Variants in RYR2 observed in about 807,000 individuals in gnomAD.
The protein encoded by RYR2 is cardiac muscle ryanodine receptor-calcium release channel.
In RYR2, 227 loss-of-function variants were observed where a neutral mutation model predicts 601.1. The observed-to-expected ratio is 0.38, with a 90% CI of 0.34 to 0.42. The LOEUF (loss-of-function observed/expected upper bound fraction) is 0.42. Among genes scored for constraint, RYR2 ranks in the 10% least tolerant of loss-of-function variants. The probability of loss-of-function intolerance (pLI) is 1.00; values close to 1 mark genes in which losing one functional copy is unlikely to be tolerated. For synonymous variants in RYR2, 2,223 were observed against 2,175.1 expected (o/e 1.02, Z -0.61); for missense variants, 4,646 against 6,156.5 (o/e 0.75, Z 8.21).
At chr1:237,509,928 T>C (rs2618669) in intron 23 of RYR2, among the ~76,000 whole-genome samples, 106,291 of 152,104 alleles carry the variant, frequency 0.7, 37,453 homozygotes, top group African/African-American at 0.8. Flanking sequence ...CTTTCAGTAG[T>C]GCAGTGTTGC....
At chr1:237,663,137 C>T (rs1441341229) in intron 56 of RYR2, among the ~76,000 whole-genome samples, 1 of 152,142 alleles carries the variant, frequency 6.6e-6, no homozygotes, top group Non-Finnish European at 1.5e-5. Flanking sequence ...TTATAACTTG[C>T]CATTATTTTC....
intron 24 of RYR2, among the ~76,000 whole-genome samples, chr1:237,521,725 G>GAA (rs11399117): frequency 2.1e-5 from 3 of 142,556 alleles, no homozygotes; most frequent in Non-Finnish European, 3.1e-5. Context: ...ATCTCAAAAA[G>GAA]AAAAAAAAAA....
intron 77 of RYR2, among the ~76,000 whole-genome samples, chr1:237,731,755 G>A (rs192243361): frequency 6.6e-6 from 1 of 151,968 alleles, no homozygotes; most frequent in East Asian, 1.9e-4. Context: ...CAGATATCTA[G>A]CATATTATAT....
At position 237,674,765 on chromosome 1, in the gene RYR2, A is replaced by T; in HGVS notation, c.8749A>T (p.Ile2917Phe). 6.2e-7 allele frequency: 1 copy of T among 1,612,370 alleles called. No homozygotes were observed. The highest frequency in any genetic ancestry group is 8.5e-7 in the Non-Finnish European group (1 of 1,178,702). ...FKDLELDTPS[I>F]EKRFAYSFLQ... is the part of the protein sequence containing the mutation. ...GGACCTGGAACTGGACACGCCTTCT[A>T]TTGAGAAACGATTTGCCTATAGTTT... Residue 2917 changes from isoleucine to phenylalanine, a missense_variant, in exon 60 of 105, where the codon ATT becomes TTT. Ile to Phe is a conservative substitution (Grantham distance 21, BLOSUM62 0). Transcript: ENST00000366574.
Position 237,677,812 on chromosome 1 carries a change from C to G in RYR2, c.8831-236C>G, listed in dbSNP as rs547914088. ...CAAAGCTACACAAATGTGTTTGTGT[C>G]TCTAACCACAACTATGGGCTGTCCT... On this transcript the variant is annotated intron_variant, in intron 60 of 104. Coordinates refer to ENST00000366574, the MANE Select transcript of RYR2 (RefSeq NM_001035.3). Among the ~76,000 whole-genome samples the G allele has an allele frequency of 4.6e-5, 7 of 152,236 alleles. No homozygotes were observed. The East Asian group carries it at 1.4e-3, about 29-fold the overall frequency.
intron 34 of RYR2, 96 bp downstream of exon 34, chr1:237,595,753 A>G: frequency 7.2e-7 from 1 of 1,393,244 alleles, no homozygotes; most frequent in Non-Finnish European, 9.5e-7. Flanking sequence ...AGTAAAATAG[A>G]CACATGTACA....
intron 17 of RYR2, among the ~76,000 whole-genome samples, chr1:237,482,140 A>C (rs980763845): frequency 3.9e-5 from 6 of 152,144 alleles, no homozygotes; most frequent in African/African-American, 1.4e-4. Context: ...CATCATGGAG[A>C]ATGGGTTATC....
chr1:237,131,475 T>C (rs1007099621), intron 1 of RYR2, among the ~76,000 whole-genome samples: 1 of 152,106 alleles, frequency 6.6e-6, no homozygotes, highest in Non-Finnish European at 1.5e-5. Context: ...GACCAAGAGA[T>C]GGCCCAGATA....
intron 70 of RYR2, among the ~76,000 whole-genome samples, chr1:237,711,265 A>G (rs1424069785): frequency 8.5e-5 from 13 of 152,186 alleles, no homozygotes; most frequent in Non-Finnish European, 1.0e-4. Flanking sequence ...TTCCCCAAAT[A>G]TTTAAAGATA....
At chr1:237,687,379 T>A in intron 62 of RYR2, 76 bp from the exon 63 acceptor site, 1 of 656,770 alleles carries the variant, frequency 1.5e-6, no homozygotes, top group South Asian at 2.1e-5. Context: ...TTTTTTTTTT[T>A]TTTTTAATTT....
chr1:237,154,700 T>C (rs182282560), intron 1 of RYR2, among the ~76,000 whole-genome samples: 5 of 152,302 alleles, frequency 3.3e-5, no homozygotes, highest in Admixed American at 3.3e-4. Flanking sequence ...TGTACAGATT[T>C]GGACCTCCGT....
intron 1 of RYR2, among the ~76,000 whole-genome samples, chr1:237,158,643 TG>T (rs1286482099): frequency 6.6e-6 from 1 of 152,244 alleles, no homozygotes; most frequent in Non-Finnish European, 1.5e-5. Flanking sequence ...TGTGCCTTTT[TG>T]TCTAAAATAT....
intron 87 of RYR2, among the ~76,000 whole-genome samples, chr1:237,774,025 G>A (rs998169828): frequency 1.3e-5 from 2 of 152,302 alleles, no homozygotes; most frequent in Non-Finnish European, 2.9e-5. Context: ...AAAGAGAAGA[G>A]TGTTTGAAAA....
chr1:237,175,133 G>A (rs1171687961), intron 1 of RYR2, among the ~76,000 whole-genome samples: 1 of 152,000 alleles, frequency 6.6e-6, no homozygotes, highest in Non-Finnish European at 1.5e-5. Flanking sequence ...ATATTTTTCT[G>A]TTTATTTTTA....
chr1:237,827,861 C>T (rs1231447999), intron 101 of RYR2, among the ~76,000 whole-genome samples: 4 of 145,520 alleles, frequency 2.7e-5, no homozygotes, highest in Admixed American at 7.1e-5. Context: ...GGCATGAACC[C>T]GGGAGGCGGA....
intron 35 of RYR2, among the ~76,000 whole-genome samples, chr1:237,607,903 G>A (rs563899090): frequency 1.1e-4 from 16 of 152,234 alleles, no homozygotes; most frequent in Admixed American, 3.9e-4. Flanking sequence ...CACAGTATCC[G>A]TTTTATGGAG....
intron 37 of RYR2, among the ~76,000 whole-genome samples, chr1:237,616,183 T>C (rs1013390328): frequency 2.0e-5 from 3 of 152,190 alleles, no homozygotes; most frequent in Admixed American, 2.0e-4. Flanking sequence ...ACAGCACTGA[T>C]AGAAATGGTT....
chr1:237,212,828 GCA>G (rs1682739043), intron 1 of RYR2, among the ~76,000 whole-genome samples: 1 of 152,160 alleles, frequency 6.6e-6, no homozygotes, highest in Non-Finnish European at 1.5e-5. Flanking sequence ...AGGCTGGAGT[GCA>G]GTAGCGTGAT....
rs369964660 is a variant in RYR2, at chr1:237,784,792, C to G, written c.13080C>G (p.Ser4360=). 6.2e-7 allele frequency: 1 copy of G among 1,610,700 alleles called. No homozygotes were observed. The highest frequency in any genetic ancestry group is 8.5e-7 in the Non-Finnish European group (1 of 1,177,604). Reference sequence around the variant, plus strand: ...AACCCCTGGAAGCCGCCCTGCCCTCCGAGGATCTGACCGACTTAAAGGAGC... The same window carrying G: ...AACCCCTGGAAGCCGCCCTGCCCTCGGAGGATCTGACCGACTTAAAGGAGC... The part of the protein sequence containing the change: ...ERKPLEAALP[S]EDLTDLKELT... The change falls in exon 90 of 105, where the codon TCC becomes TCG. Residue 4360 remains serine, a synonymous_variant. Coordinates refer to ENST00000366574, the MANE Select transcript of RYR2 (RefSeq NM_001035.3). This position sits in a 1 kb window ranked among gnomAD's most constrained non-coding sequence, Gnocchi z 7.1.
Sources: allele counts gnomAD v4.1 joint callset (sites outside exome capture counted in the v4.1 genomes callset), GRCh38; gene constraint gnomAD v4.1.1; non-coding constraint Gnocchi (gnomAD v3.1); transcripts MANE v1.5; gene names NCBI Gene and HGNC (gene_info 2026-07-23, HGNC 2026-07-21).